Variants in REEP5 observed in about 807,000 individuals in gnomAD.
REEP5 encodes receptor accessory protein 5, also known as receptor expression-enhancing protein 5.
REEP5 carries 24 observed loss-of-function variants against 22.4 expected under a neutral mutation model. The observed-to-expected ratio is 1.07, with a 90% CI of 0.78 to 1.51. REEP5 has a LOEUF of 1.51. Ranked by LOEUF, REEP5 falls within the 40% of genes most tolerant of loss-of-function variation. The pLI is 0.00. For missense variants in REEP5, 252 were observed against 233.0 expected (o/e 1.08, Z -0.53); for synonymous variants, 103 against 88.6 (o/e 1.16, Z -0.92).
chr5:112,899,815 C>T (rs530468037), intron 3 of REEP5, among the ~76,000 whole-genome samples: 5 of 152,274 alleles, frequency 3.3e-5, no homozygotes, highest in South Asian at 2.1e-4. Flanking sequence ...AAAAGTGTTT[C>T]GGGTTTCACA....
chr5:112,890,578 A>G lies in REEP5; in HGVS notation c.352-3395T>C, dbSNP rs1180737949. Among the ~76,000 whole-genome samples the G allele has an allele frequency of 2.7e-5, 4 of 150,120 alleles. 1 individual carries two copies. The highest frequency in any genetic ancestry group is 1.0e-4 in the African/African-American group (4 of 40,112). Reference sequence around the variant, plus strand: ...CTTTTTGTAGAGATGGGGTTTCGCCATGTTGGCCGGGCTGGTCTCGAACTC... The same window carrying G: ...CTTTTTGTAGAGATGGGGTTTCGCCGTGTTGGCCGGGCTGGTCTCGAACTC... On this transcript the variant is annotated intron_variant, in intron 3 of 4. Transcript: ENST00000379638.
At chr5:112,908,101 G>GTT (rs1047059353) in intron 2 of REEP5, among the ~76,000 whole-genome samples, 13 of 83,908 alleles carry the variant, frequency 1.5e-4, no homozygotes, top group South Asian at 3.6e-4. Flanking sequence ...TTTGTTTTTT[G>GTT]TTTTTTTTTT....
chr5:112,892,940 G>A lies in REEP5; in HGVS notation c.352-5757C>T, dbSNP rs757789873. On this transcript the variant is annotated intron_variant, in intron 3 of 4. Transcript: ENST00000379638. ...CCAAGCAGAGGAAGAAATAGGCACC[G>A]CAGCTGGGACCAGGGCCGCCGGAGC... is the stretch of plus-strand genomic sequence containing the variant. The A allele has an allele frequency of 2.8e-5, 44 of 1,599,462 alleles. No homozygotes were observed. In the Middle Eastern group the frequency reaches 8.3e-4, roughly 30 times the overall value.
chr5:112,878,399 G>A lies in REEP5; in HGVS notation c.*387C>T, dbSNP rs1473498353. 7 of 184,902 alleles carry A rather than the reference G, an allele frequency of 3.8e-5. No homozygotes were observed. 11.5% of individuals were successfully genotyped at this position (184,902 alleles called of 1,614,324 possible). On this transcript the variant is annotated 3_prime_UTR_variant, in exon 5 of 5. Coordinates refer to ENST00000379638, the MANE Select transcript of REEP5 (RefSeq NM_005669.5). ...AATTATATAAAATTGTACATTACAG[G>A]AAGTAGAACCATAAAGATTATCCTA...
chr5:112,905,727 C>G (rs1479712584), intron 2 of REEP5, among the ~76,000 whole-genome samples: 1 of 151,870 alleles, frequency 6.6e-6, no homozygotes, highest in Non-Finnish European at 1.5e-5. Context: ...CTCAAGTGAT[C>G]CTCCCACCTC....
intron 4 of REEP5, among the ~76,000 whole-genome samples, chr5:112,883,493 A>G (rs1274723315): frequency 6.6e-6 from 1 of 152,104 alleles, no homozygotes; most frequent in Non-Finnish European, 1.5e-5. Flanking sequence ...GCCACTCCTT[A>G]TCAGTCTGCT....
chr5:112,897,658 T>C (rs1026704837), intron 3 of REEP5: 7 of 152,238 alleles, frequency 4.6e-5, no homozygotes, highest in African/African-American at 1.7e-4. Context: ...CAACTAAGCT[T>C]TGATGCCAAG....
intron 3 of REEP5, among the ~76,000 whole-genome samples, chr5:112,900,842 T>C: frequency 7.0e-6 from 1 of 142,954 alleles, no homozygotes; most frequent in East Asian, 2.0e-4. Context: ...AATATATTTC[T>C]TTTTTTTTTT....
rs770272571 is a variant in REEP5, at chr5:112,878,741, A to C, written c.*45T>G. 6.2e-7 allele frequency: 1 copy of C among 1,610,558 alleles called. No homozygotes were observed. The highest frequency in any genetic ancestry group is 8.5e-7 in the Non-Finnish European group (1 of 1,178,862). ...AGTCCCTAATATAACATCAAGCTCC[A>C]GTAGGAAGGTACAGAGAGGGCAGGA... On this transcript the variant is annotated 3_prime_UTR_variant, in exon 5 of 5. Coordinates refer to ENST00000379638, the MANE Select transcript of REEP5 (RefSeq NM_005669.5).
chr5:112,886,697 TTAAA>T (rs1407551224), intron 4 of REEP5, among the ~76,000 whole-genome samples: 5 of 152,300 alleles, frequency 3.3e-5, no homozygotes, highest in South Asian at 2.1e-4. Context: ...TACAAAAAAA[TTAAA>T]TAAACAATTA....
rs189960407 is a variant in REEP5 at position 112,901,890 on chromosome 5, G to C, written c.351+490C>G. Among the ~76,000 whole-genome samples, 467 of 150,758 alleles carry C rather than the reference G, an allele frequency of 3.1e-3. 5 individuals carry two copies. The highest frequency in any genetic ancestry group is 2.6e-3 in the Non-Finnish European group (175 of 67,706). On this transcript the variant is annotated intron_variant, in intron 3 of 4. Transcript: ENST00000379638. ...AGGCAGGAGAATTGCTTGAACCTGGGGGGTGGAGGTTGCAGTGAGCCAAGA... is the reference window on the plus strand; with the variant it reads ...AGGCAGGAGAATTGCTTGAACCTGGCGGGTGGAGGTTGCAGTGAGCCAAGA...
At chr5:112,916,553 T>G (rs1311070148) in intron 2 of REEP5, among the ~76,000 whole-genome samples, 1 of 152,238 alleles carries the variant, frequency 6.6e-6, no homozygotes, top group Non-Finnish European at 1.5e-5. Context: ...GATATATGAT[T>G]TGGGATGACA....
intron 3 of REEP5, chr5:112,893,094 TAAA>T (rs552226372): frequency 0.017 from 8,685 of 498,686 alleles, 184 homozygotes; most frequent in East Asian, 0.12. Context: ...GTTTTGTTCT[TAAA>T]AAAAAAAAAA....
intron 4 of REEP5, among the ~76,000 whole-genome samples, chr5:112,886,314 A>G (rs1180052190): frequency 6.6e-6 from 1 of 152,200 alleles, no homozygotes; most frequent in Non-Finnish European, 1.5e-5. Context: ...ATTCAGAACT[A>G]TAGGTTTTGA....
rs148324454 is a variant in REEP5, at chr5:112,913,536, TAAA to T, written c.212+7624_212+7626del. On this transcript the variant is annotated intron_variant, in intron 2 of 4. Transcript: ENST00000379638. The stretch of plus-strand genomic sequence containing the variant: ...CTGGGTGACAGAGTATGACCCTGGC[TAAA>T]AAAAAAAAAAAAAAAAAAAAAAAAT... 8.8e-3 allele frequency among the ~76,000 whole-genome samples: 576 copies of T among 65,480 alleles called. 9 individuals carry two copies. Among genetic ancestry groups the T allele is most frequent in the East Asian group, 0.064 (131 of 2,042 alleles). 43.0% of individuals were successfully genotyped at this position (65,480 alleles called of 152,430 possible).
intron 2 of REEP5, among the ~76,000 whole-genome samples, chr5:112,913,334 GGAAAAGAAA>G (rs957899779): frequency 7.4e-5 from 10 of 135,604 alleles, no homozygotes; most frequent in African/African-American, 2.5e-4. Context: ...CAGACAGAAA[GGAAAAGAAA>G]GAAAAGAAAG....
intron 2 of REEP5, among the ~76,000 whole-genome samples, chr5:112,920,927 A>G (rs530868117): frequency 1.0e-3 from 157 of 152,328 alleles, no homozygotes; most frequent in African/African-American, 3.7e-3. Context: ...AAGAGAGGGG[A>G]CACTGGTCAC....
intron 2 of REEP5, among the ~76,000 whole-genome samples, chr5:112,915,965 A>G (rs886519251): frequency 3.3e-5 from 5 of 151,848 alleles, no homozygotes; most frequent in African/African-American, 1.2e-4. Flanking sequence ...CACATCCTCC[A>G]GTACTGTTAA....
chr5:112,891,496 A>G, intron 3 of REEP5: 1 of 1,096,180 alleles, frequency 9.1e-7, no homozygotes, highest in Non-Finnish European at 1.3e-6. Context: ...GTAATTTGTA[A>G]TATATATAAG....
Sources: allele counts gnomAD v4.1 joint callset (sites outside exome capture counted in the v4.1 genomes callset), GRCh38; gene constraint gnomAD v4.1.1; transcripts MANE v1.5; gene names NCBI Gene and HGNC (gene_info 2026-07-23, HGNC 2026-07-21).